DCC: variants seen among roughly 807,000 people sequenced by gnomAD.
The protein encoded by DCC is netrin receptor DCC.
A neutral mutation model predicts 172.5 loss-of-function variants in DCC; 58 were observed. The ratio of observed to expected loss-of-function variants is 0.34; its 90% CI spans 0.27 to 0.42. The LOEUF (loss-of-function observed/expected upper bound fraction) is 0.42. Among genes scored for constraint, DCC ranks in the 10% least tolerant of loss-of-function variants. The probability of loss-of-function intolerance (pLI) is 1.00; values close to 1 mark genes in which losing one functional copy is unlikely to be tolerated. For missense variants in DCC, 1,740 were observed against 1,791.0 expected (o/e 0.97, Z 0.51); for synonymous variants, 709 against 644.5 (o/e 1.10, Z -1.52).
At chr18:53,511,694 G>A (rs1381167090) in intron 27 of DCC, among the ~76,000 whole-genome samples, 1 of 152,232 alleles carries the variant, frequency 6.6e-6, no homozygotes, top group Non-Finnish European at 1.5e-5. Context: ...AAAGAAAGGG[G>A]TGACGGACGG....
chr18:53,067,904 G>A lies in DCC; in HGVS notation c.1261+1738G>A, dbSNP rs117134104. On this transcript the variant is annotated intron_variant, in intron 7 of 28. Coordinates refer to ENST00000442544, the MANE Select transcript of DCC (RefSeq NM_005215.4). ...TTATCATTTAAAATGTGCCTATTAA[G>A]TCCTTATATTGTATGCACCCCAGCC... 2.7e-3 allele frequency among the ~76,000 whole-genome samples: 406 copies of A among 152,232 alleles called. 1 individual carries two copies. The highest frequency in any genetic ancestry group is 3.7e-3 in the Non-Finnish European group (252 of 68,018).
At chr18:52,415,793 TATCA>T (rs1987002750) in intron 1 of DCC, among the ~76,000 whole-genome samples, 1 of 152,224 alleles carries the variant, frequency 6.6e-6, no homozygotes, top group Non-Finnish European at 1.5e-5. Flanking sequence ...GCTAGTGGTC[TATCA>T]ATTTTGTTGA....
rs114182617 is a variant in DCC at position 53,199,200 on chromosome 18, C to A, written c.1574-6016C>A. ...AAGGGATCAGGGATCAAGGGATTAT[C>A]CTGCCTTTGCCTCCTGAGTAGCTGG... On this transcript the variant is annotated intron_variant, in intron 9 of 28. Coordinates refer to ENST00000442544, the MANE Select transcript of DCC (RefSeq NM_005215.4). 5.0e-3 allele frequency among the ~76,000 whole-genome samples: 755 copies of A among 151,592 alleles called. 6 individuals are homozygous for A. Among genetic ancestry groups the A allele is most frequent in the African/African-American group, 0.018 (725 of 41,310 alleles).
At chr18:52,782,748 C>G (rs978660903) in intron 2 of DCC, among the ~76,000 whole-genome samples, 1 of 152,020 alleles carries the variant, frequency 6.6e-6, no homozygotes, top group Non-Finnish European at 1.5e-5. Context: ...TCTTGTTCCT[C>G]TCTAGGTTAG....
intron 1 of DCC, among the ~76,000 whole-genome samples, chr18:52,630,034 G>C (rs917139166): frequency 6.7e-6 from 1 of 150,270 alleles, no homozygotes; most frequent in Non-Finnish European, 1.5e-5. Context: ...GTTGAGGCAG[G>C]AGAACCCAGG....
intron 2 of DCC, among the ~76,000 whole-genome samples, chr18:52,786,568 A>G (rs1568102751): frequency 1.3e-5 from 2 of 152,154 alleles, no homozygotes; most frequent in South Asian, 2.1e-4. Flanking sequence ...TTATTTCTAC[A>G]TAGCTCTTTT....
intron 1 of DCC, among the ~76,000 whole-genome samples, chr18:52,536,489 GAC>G (rs557095530): frequency 1.6e-4 from 24 of 152,094 alleles, no homozygotes; most frequent in Non-Finnish European, 2.9e-4. Context: ...CTGGGAGCAA[GAC>G]ACAGTTTTAT....
intron 1 of DCC, among the ~76,000 whole-genome samples, chr18:52,653,121 T>A (rs1215632027): frequency 6.6e-6 from 1 of 152,158 alleles, no homozygotes; most frequent in Non-Finnish European, 1.5e-5. Flanking sequence ...TGCTGATGGA[T>A]TTCAGAGATT....
chr18:52,915,828 C>G (rs12326745), intron 3 of DCC, among the ~76,000 whole-genome samples: 4 of 151,972 alleles, frequency 2.6e-5, no homozygotes, highest in African/African-American at 9.7e-5. Context: ...AAAACCATTT[C>G]TATGTTGAAG....
intron 1 of DCC, among the ~76,000 whole-genome samples, chr18:52,706,355 C>G (rs2036211930): frequency 6.6e-6 from 1 of 152,120 alleles, no homozygotes; most frequent in Admixed American, 6.5e-5. Context: ...ATCTCACAGA[C>G]CAAGGCTTGA....
intron 12 of DCC, among the ~76,000 whole-genome samples, chr18:53,281,236 A>G (rs2056868258): frequency 6.6e-6 from 1 of 152,168 alleles, no homozygotes; most frequent in Non-Finnish European, 1.5e-5. Context: ...CATTTTTTAA[A>G]TATATTTTCA....
intron 12 of DCC, among the ~76,000 whole-genome samples, chr18:53,284,840 G>A (rs540574563): frequency 1.4e-4 from 22 of 152,290 alleles, no homozygotes; most frequent in African/African-American, 3.6e-4. Flanking sequence ...TCAGGCTGAG[G>A]TGGTCTCAGA....
chr18:53,057,502 A>G (rs1319882255), intron 5 of DCC, among the ~76,000 whole-genome samples: 4 of 152,090 alleles, frequency 2.6e-5, no homozygotes, highest in African/African-American at 7.2e-5. Context: ...TTCTTTATGT[A>G]TATACTAGAA....
chr18:52,784,402 C>T (rs9960581), intron 2 of DCC, among the ~76,000 whole-genome samples: 9,281 of 151,972 alleles, frequency 0.061, 366 homozygotes, highest in South Asian at 0.16. Context: ...TTTGATGTAC[C>T]GATTCCCTCT....
At chr18:53,272,918 AAAAT>A (rs980335165) in intron 12 of DCC, among the ~76,000 whole-genome samples, 8 of 152,192 alleles carry the variant, frequency 5.3e-5, no homozygotes, top group Admixed American at 2.0e-4. Context: ...GCTTCATATG[AAAAT>A]AAATAAACAG....
At chr18:52,777,423 C>T (rs1488047748) in intron 2 of DCC, among the ~76,000 whole-genome samples, 1 of 152,184 alleles carries the variant, frequency 6.6e-6, no homozygotes, top group African/African-American at 2.4e-5. Context: ...ACCTTCTCCT[C>T]CTCTGGGTGT....
intron 5 of DCC, among the ~76,000 whole-genome samples, chr18:52,949,887 T>C (rs768942796): frequency 6.6e-6 from 1 of 152,204 alleles, no homozygotes; most frequent in African/African-American, 2.4e-5. Context: ...TAGTCTCAAT[T>C]TGAGTTTATT....
chr18:52,468,986 A>G (rs1400692890), intron 1 of DCC, among the ~76,000 whole-genome samples: 2 of 152,150 alleles, frequency 1.3e-5, no homozygotes, highest in Non-Finnish European at 2.9e-5. Flanking sequence ...GCTAACTAAT[A>G]TATGCTGAAT....
intron 1 of DCC, among the ~76,000 whole-genome samples, chr18:52,374,903 A>T (rs534414918): frequency 1.3e-5 from 2 of 152,162 alleles, no homozygotes; most frequent in African/African-American, 4.8e-5. Context: ...AATGTGTTAC[A>T]CTCCTTTTTT....
Sources: gnomAD v4.1 joint callset for allele counts (sites outside exome capture counted in the v4.1 genomes callset) on GRCh38, gnomAD v4.1.1 for gene constraint, MANE v1.5 for transcripts, NCBI Gene and HGNC (gene_info 2026-07-23, HGNC 2026-07-21) for gene names.